TENM3: variants seen among roughly 807,000 people sequenced by gnomAD.
The protein encoded by TENM3 is teneurin transmembrane protein 3, also known as teneurin-3.
In TENM3, 63 loss-of-function variants were observed where a neutral mutation model predicts 255.1. That is an observed-to-expected ratio of 0.25 (90% CI 0.20 to 0.30). The LOEUF (loss-of-function observed/expected upper bound fraction) is 0.30. Ranked by LOEUF, TENM3 falls within the 10% of genes least tolerant of loss-of-function variation. The pLI is 1.00. For missense variants in TENM3, 2,929 were observed against 3,461.1 expected (o/e 0.85, Z 3.86); for synonymous variants, 1,306 against 1,322.3 (o/e 0.99, Z 0.27).
the TENM3 span, among the ~76,000 whole-genome samples, chr4:181,817,163 A>G: frequency 6.6e-6 from 1 of 152,188 alleles, no homozygotes; most frequent in African/African-American, 2.4e-5. Flanking sequence ...GTAGTTATAT[A>G]AAAGTTTAGG....
chr4:181,783,106 G>A, the TENM3 span, among the ~76,000 whole-genome samples: 1 of 152,308 alleles, frequency 6.6e-6, no homozygotes. Context: ...TGTTGATTTG[G>A]GGTGGAGAGT....
chr4:182,765,535 A>G (rs1241568652), intron 22 of TENM3, among the ~76,000 whole-genome samples: 4 of 151,970 alleles, frequency 2.6e-5, no homozygotes, highest in African/African-American at 7.3e-5. Context: ...ACTTTGCTCA[A>G]TGTTCATTTT....
chr4:182,229,610 G>A (rs185865392), intron 1 of TENM3, among the ~76,000 whole-genome samples: 1,467 of 143,030 alleles, frequency 0.01, 9 homozygotes, highest in Non-Finnish European at 0.016. Flanking sequence ...GTGTATGTGT[G>A]TATATATATG....
Position 182,631,319 on chromosome 4 carries a change from C to CT in TENM3, c.988+2434dup, listed in dbSNP as rs1423008815. On this transcript the variant is annotated intron_variant, in intron 5 of 27. Coordinates refer to ENST00000511685, the MANE Select transcript of TENM3 (RefSeq NM_001080477.4). ...CCAGTGTTATCTAGCAAAAAAATTACTTTTATCTTCAAAGAATTGTCTCAT... is the reference window on the plus strand; with the variant it reads ...CCAGTGTTATCTAGCAAAAAAATTACTTTTTATCTTCAAAGAATTGTCTCAT... The CT allele has an allele frequency of 7.9e-5, 12 of 152,292 alleles. No homozygotes were observed. In the East Asian group the frequency reaches 2.3e-3, roughly 29 times the overall value. The allele number at this position is 152,292 out of a possible 1,614,324, so 9.4% of individuals were successfully genotyped here.
At chr4:182,510,992 A>G (rs77813261) in intron 3 of TENM3, among the ~76,000 whole-genome samples, 1,959 of 152,256 alleles carry the variant, frequency 0.013, 40 homozygotes, top group African/African-American at 0.045. Context: ...GTTACTACTT[A>G]CTGTCAAACA....
chr4:182,621,789 A>T (rs1750279434), intron 4 of TENM3, among the ~76,000 whole-genome samples: 1 of 46,152 alleles, frequency 2.2e-5, no homozygotes, highest in South Asian at 8.9e-4. Context: ...ATAATTATAT[A>T]TATAATATAT....
chr4:182,333,858 G>C (rs1227235450), intron 2 of TENM3, among the ~76,000 whole-genome samples: 2 of 152,034 alleles, frequency 1.3e-5, no homozygotes, highest in Non-Finnish European at 2.9e-5. Flanking sequence ...AAGTGAATTT[G>C]GTATTTGGAT....
chr4:181,978,281 T>C, the TENM3 span, among the ~76,000 whole-genome samples: 3 of 152,150 alleles, frequency 2.0e-5, no homozygotes, highest in Admixed American at 6.5e-5. Flanking sequence ...CATTCTCACA[T>C]CTGGTTACTG....
At chr4:181,904,016 C>T in the TENM3 span, among the ~76,000 whole-genome samples, 13 of 152,136 alleles carry the variant, frequency 8.5e-5, no homozygotes, top group African/African-American at 3.1e-4. Context: ...ATCTAACTGT[C>T]CATTCAACAT....
chr4:182,569,545 CTG>C (rs1357636740), intron 3 of TENM3, among the ~76,000 whole-genome samples: 1 of 145,116 alleles, frequency 6.9e-6, no homozygotes, highest in African/African-American at 2.7e-5. Flanking sequence ...CAGAGCAAGA[CTG>C]TGTCTCAAAA....
intron 3 of TENM3, among the ~76,000 whole-genome samples, chr4:182,478,644 T>C (rs1251175578): frequency 6.6e-6 from 1 of 152,008 alleles, no homozygotes; most frequent in Non-Finnish European, 1.5e-5. Flanking sequence ...AAATATACCA[T>C]TGTAGCATTT....
At chr4:181,604,108 CA>C in the TENM3 span, among the ~76,000 whole-genome samples, 7 of 151,700 alleles carry the variant, frequency 4.6e-5, no homozygotes, top group Non-Finnish European at 7.4e-5. Flanking sequence ...ACTAAAAATA[CA>C]AAAAAATTAG....
chr4:182,119,535 C>G, the TENM3 span, among the ~76,000 whole-genome samples: 2 of 152,016 alleles, frequency 1.3e-5, no homozygotes, highest in East Asian at 3.9e-4. Flanking sequence ...ATGTACCTGC[C>G]CATTTATCTC....
the TENM3 span, among the ~76,000 whole-genome samples, chr4:181,816,403 T>C: frequency 1.3e-5 from 2 of 152,220 alleles, no homozygotes; most frequent in Non-Finnish European, 2.9e-5. Context: ...TCCCCTGCTG[T>C]CTTGACAGTC....
chr4:182,364,069 A>G (rs57031538), intron 3 of TENM3, among the ~76,000 whole-genome samples: 7,085 of 152,134 alleles, frequency 0.047, 287 homozygotes, highest in African/African-American at 0.11. Context: ...ACCCATTTAA[A>G]GAGTTTGTGC....
At chr4:182,492,925 A>C (rs1175880116) in intron 3 of TENM3, among the ~76,000 whole-genome samples, 3 of 151,976 alleles carry the variant, frequency 2.0e-5, no homozygotes, top group Non-Finnish European at 2.9e-5. Context: ...CCAAATTGTC[A>C]GCAAAGGATA....
At chr4:182,017,079 T>C in the TENM3 span, among the ~76,000 whole-genome samples, 7 of 152,182 alleles carry the variant, frequency 4.6e-5, no homozygotes, top group Admixed American at 2.0e-4. Context: ...AAATTAAGTC[T>C]TTTGCTGATT....
At chr4:182,524,311 T>A (rs1939037214) in intron 3 of TENM3, among the ~76,000 whole-genome samples, 2 of 151,346 alleles carry the variant, frequency 1.3e-5, no homozygotes, top group African/African-American at 4.8e-5. Context: ...ATCTTTTAAT[T>A]CATTCAGAAT....
At chr4:182,661,087 T>A (rs189856256) in intron 6 of TENM3, among the ~76,000 whole-genome samples, 8 of 152,350 alleles carry the variant, frequency 5.3e-5, no homozygotes, top group Admixed American at 1.3e-4. Flanking sequence ...AAGAACTCTT[T>A]TTGTATGGAT....
Sources: allele counts gnomAD v4.1 joint callset (sites outside exome capture counted in the v4.1 genomes callset), GRCh38; gene constraint gnomAD v4.1.1; transcripts MANE v1.5; gene names NCBI Gene and HGNC (gene_info 2026-07-23, HGNC 2026-07-21).